TCERG1L: variants seen among roughly 807,000 people sequenced by gnomAD.
The protein encoded by TCERG1L is transcription elongation regulator 1 like.
In TCERG1L, 37 loss-of-function variants were observed where a neutral mutation model predicts 56.3. The observed-to-expected ratio is 0.66, with a 90% confidence interval of 0.51 to 0.87. The LOEUF (loss-of-function observed/expected upper bound fraction) is 0.87, where lower values mean the gene tolerates loss of function less well. Among genes scored for constraint, TCERG1L ranks in the 40% least tolerant of loss-of-function variants. The probability of loss-of-function intolerance (pLI) is 0.00; values close to 1 mark genes in which losing one functional copy is unlikely to be tolerated. For synonymous variants in TCERG1L, 324 were observed against 326.3 expected, an observed-to-expected ratio of 0.99 and a Z score of 0.08; for missense variants, 799 against 774.2, an observed-to-expected ratio of 1.03 and a Z score of -0.38.
chr10:131,149,315 C>A (rs12411368), intron 6 of TCERG1L, among the ~76,000 whole-genome samples: 1 of 152,074 alleles, frequency 6.6e-6, no homozygotes, highest in Non-Finnish European at 1.5e-5. Flanking sequence ...GCAGACTCCA[C>A]ACCCAGGTAG....
At chr10:131,133,051 T>C (rs188010648) in intron 8 of TCERG1L, among the ~76,000 whole-genome samples, 16 of 152,344 alleles carry the variant, frequency 1.1e-4, no homozygotes, top group Admixed American at 9.8e-4. Context: ...GAAAGTTCTG[T>C]GGTGTCTGCC....
In TCERG1L at chr10:131,093,102, C is replaced by G. The variant is rs1195025812; in HGVS notation, c.*60G>C. ...ACGCCCGTGTCCGTCTCCACCGTGACCCCCTCGCCCCCGGCACGCCCAGGG... is the reference window on the plus strand; with the variant it reads ...ACGCCCGTGTCCGTCTCCACCGTGAGCCCCTCGCCCCCGGCACGCCCAGGG... On this transcript the variant is annotated 3_prime_UTR_variant, in exon 12 of 12. Coordinates refer to ENST00000368642, the MANE Select transcript of TCERG1L (RefSeq NM_174937.4). 1.9e-6 allele frequency: 3 copies of G among 1,573,978 alleles called. No homozygotes were observed. In the East Asian group the frequency reaches 6.7e-5, roughly 35 times the overall value.
At chr10:131,265,491 C>T (rs1364635755) in intron 3 of TCERG1L, among the ~76,000 whole-genome samples, 1 of 152,130 alleles carries the variant, frequency 6.6e-6, no homozygotes, top group South Asian at 2.1e-4. Flanking sequence ...CTGCCCAGCT[C>T]CAGGCCCTTG....
intron 3 of TCERG1L, among the ~76,000 whole-genome samples, chr10:131,264,407 G>A (rs185504619): frequency 1.5e-3 from 224 of 152,316 alleles, no homozygotes; most frequent in Non-Finnish European, 2.1e-3. Context: ...GGTGTGATAC[G>A]GGTGCAAACA....
chr10:131,154,544 T>C (rs961714181), intron 6 of TCERG1L, among the ~76,000 whole-genome samples: 3 of 152,208 alleles, frequency 2.0e-5, no homozygotes, highest in African/African-American at 7.2e-5. Context: ...CCCTTTGCCG[T>C]CTTCTCTCCC....
chr10:131,264,073 C>A (rs531556090), intron 3 of TCERG1L, among the ~76,000 whole-genome samples: 4 of 152,224 alleles, frequency 2.6e-5, no homozygotes, highest in Admixed American at 2.6e-4. Flanking sequence ...ACGCAAAGCC[C>A]CTCAGCCACT....
intron 9 of TCERG1L, among the ~76,000 whole-genome samples, chr10:131,116,238 A>T (rs553042239): frequency 6.6e-6 from 1 of 152,196 alleles, no homozygotes; most frequent in African/African-American, 2.4e-5. Flanking sequence ...TACACTGAAG[A>T]TATCTTAATT....
At chr10:131,246,419 G>T (rs2133527412) in intron 4 of TCERG1L, among the ~76,000 whole-genome samples, 1 of 152,260 alleles carries the variant, frequency 6.6e-6, no homozygotes, top group Admixed American at 6.5e-5. Flanking sequence ...GTCAGGCCAG[G>T]GTGGGACCCA....
At chr10:131,207,218 CACAGCGTGAT>C (rs1439823112) in intron 4 of TCERG1L, among the ~76,000 whole-genome samples, 1 of 148,290 alleles carries the variant, frequency 6.7e-6, no homozygotes, top group African/African-American at 2.5e-5. Flanking sequence ...CAGCTCCAGG[CACAGCGTGAT>C]TCCATATCTC....
At chr10:131,278,648 CG>C (rs1445728149) in intron 3 of TCERG1L, among the ~76,000 whole-genome samples, 1 of 152,144 alleles carries the variant, frequency 6.6e-6, no homozygotes, top group Admixed American at 6.5e-5. Context: ...CAGCCCACAT[CG>C]TCTTTTCAAG....
intron 4 of TCERG1L, among the ~76,000 whole-genome samples, chr10:131,202,677 C>T (rs1421865010): frequency 6.6e-6 from 1 of 152,136 alleles, no homozygotes; most frequent in African/African-American, 2.4e-5. Context: ...TAGCGGAATT[C>T]AAGTCAATAA....
rs2133390231 is a variant in TCERG1L at position 131,116,944 on chromosome 10, C to T, written c.1260-10G>A. 6.2e-7 allele frequency: 1 copy of T among 1,605,432 alleles called. No homozygotes were observed. The highest frequency in any genetic ancestry group is 8.5e-7 in the Non-Finnish European group (1 of 1,176,532). ...CCCGCAGCCTTCGGTCCTTCAGGAA[C>T]ACAAGACGCAGAGTTAGACACACTC... On this transcript the variant is annotated splice_polypyrimidine_tract_variant and intron_variant, in intron 8 of 11. Coordinates refer to ENST00000368642, the MANE Select transcript of TCERG1L (RefSeq NM_174937.4).
At chr10:131,191,864 C>CAAAAAAAAAAAAAAAAAAAAA (rs59816491) in intron 4 of TCERG1L, among the ~76,000 whole-genome samples, 1 of 28,720 alleles carries the variant, frequency 3.5e-5, no homozygotes, top group Non-Finnish European at 5.9e-5. Context: ...GACTCCGTCT[C>CAAAAAAAAAAAAAAAAAAAAA]AAAAAAAAAA....
At chr10:131,209,134 T>G (rs1425344780) in intron 4 of TCERG1L, among the ~76,000 whole-genome samples, 1 of 152,140 alleles carries the variant, frequency 6.6e-6, no homozygotes, top group Non-Finnish European at 1.5e-5. Flanking sequence ...AAAATTACTT[T>G]CAGGCTATGT....
intron 3 of TCERG1L, among the ~76,000 whole-genome samples, chr10:131,271,663 T>C (rs1483826881): frequency 1.3e-5 from 2 of 152,220 alleles, no homozygotes; most frequent in African/African-American, 2.4e-5. Context: ...CTTCTGCATC[T>C]TCACCAGAGA....
chr10:131,258,096 C>T (rs536558980), intron 4 of TCERG1L, among the ~76,000 whole-genome samples: 2 of 152,218 alleles, frequency 1.3e-5, no homozygotes, highest in African/African-American at 2.4e-5. Context: ...CTCTACCCAC[C>T]CCTCCATGGG....
At chr10:131,122,461 C>A (rs1485558817) in intron 8 of TCERG1L, among the ~76,000 whole-genome samples, 1 of 152,172 alleles carries the variant, frequency 6.6e-6, no homozygotes, top group African/African-American at 2.4e-5. Flanking sequence ...TCAATCATTT[C>A]TCTGTAATAA....
chr10:131,311,217 A>C lies in TCERG1L; in HGVS notation c.342+77T>G. 1 of 1,107,692 alleles carries C rather than the reference A, an allele frequency of 9.0e-7. No individual in the cohort carries two copies. Among genetic ancestry groups the C allele is most frequent in the Non-Finnish European group, 1.1e-6 (1 of 893,720 alleles). The allele number at this position is 1,107,692 out of a possible 1,614,324, so 68.6% of individuals were successfully genotyped here. Reference sequence around the variant, plus strand: ...GAGGAGGGCGCGCGAGCCGGAGGCCAGAGCCGGGCCGGGCAGGGCGCGCCC... The same window carrying C: ...GAGGAGGGCGCGCGAGCCGGAGGCCCGAGCCGGGCCGGGCAGGGCGCGCCC... On this transcript the variant is annotated intron_variant, in intron 1 of 11. Coordinates refer to ENST00000368642, the MANE Select transcript of TCERG1L (RefSeq NM_174937.4). This position sits in a 1 kb window ranked among gnomAD's most constrained non-coding sequence, Gnocchi z 4.0.
At chr10:131,097,562 T>G (rs1278044562) in intron 11 of TCERG1L, among the ~76,000 whole-genome samples, 1 of 152,164 alleles carries the variant, frequency 6.6e-6, no homozygotes, top group Non-Finnish European at 1.5e-5. Context: ...TTAGCCAGGA[T>G]GGTCTCGATC....
Sources: gnomAD v4.1 joint callset for allele counts (sites outside exome capture counted in the v4.1 genomes callset) on GRCh38, gnomAD v4.1.1 for gene constraint, Gnocchi (gnomAD v3.1) non-coding constraint, MANE v1.5 for transcripts, NCBI Gene and HGNC (gene_info 2026-07-23, HGNC 2026-07-21) for gene names.